The following TULP4 variants were observed in gnomAD, a reference collection of about 807,000 sequenced individuals.
TULP4 encodes tubby-related protein 4.
TULP4 carries 16 observed loss-of-function variants against 129.0 expected under a neutral mutation model. That is an observed-to-expected ratio of 0.12 (90% CI 0.08 to 0.19). The LOEUF is 0.19. Among genes scored for constraint, TULP4 ranks in the 10% least tolerant of loss-of-function variants. The pLI, the probability that TULP4 is intolerant of heterozygous loss-of-function variation, is 1.00. For missense variants in TULP4, 1,842 were observed against 2,059.1 expected (o/e 0.89, Z 2.04); for synonymous variants, 998 against 854.0 (o/e 1.17, Z -2.94).
chr6:158,306,032 G>A (rs1383963712), intron 1 of TULP4, among the ~76,000 whole-genome samples: 2 of 151,960 alleles, frequency 1.3e-5, no homozygotes, highest in Non-Finnish European at 2.9e-5. Flanking sequence ...GAATTCGGAT[G>A]CTTTGATTGT....
At chr6:158,421,087 C>T (rs1778327818) in intron 2 of TULP4, among the ~76,000 whole-genome samples, 1 of 152,032 alleles carries the variant, frequency 6.6e-6, no homozygotes, top group African/African-American at 2.4e-5. Flanking sequence ...GGTGGCCGGG[C>T]GCGGTGGCTC....
At chr6:158,273,612 T>C (rs1259284951) in intron 1 of TULP4, among the ~76,000 whole-genome samples, 10 of 152,048 alleles carry the variant, frequency 6.6e-5, no homozygotes, top group Non-Finnish European at 1.3e-4. Context: ...CCCTGTCCCA[T>C]TCTTCTTCAG....
At chr6:158,475,051 T>C (rs769383384) in intron 6 of TULP4, among the ~76,000 whole-genome samples, 3 of 152,182 alleles carry the variant, frequency 2.0e-5, no homozygotes, top group African/African-American at 4.8e-5. Context: ...AACAGCTCAG[T>C]AGATAAAAAA....
At chr6:158,335,691 G>T (rs1460064256) in intron 1 of TULP4, among the ~76,000 whole-genome samples, 1 of 152,186 alleles carries the variant, frequency 6.6e-6, no homozygotes, top group Non-Finnish European at 1.5e-5. Flanking sequence ...TTGACAAAAG[G>T]ACTGTTTTTG....
chr6:158,323,908 T>G (rs1779691155), intron 1 of TULP4, among the ~76,000 whole-genome samples: 1 of 152,176 alleles, frequency 6.6e-6, no homozygotes, highest in African/African-American at 2.4e-5. Context: ...TTTTTCTTGT[T>G]TATATCAGTT....
chr6:158,260,610 C>T (rs1778334401), intron 1 of TULP4, among the ~76,000 whole-genome samples: 1 of 150,882 alleles, frequency 6.6e-6, no homozygotes, highest in Admixed American at 6.6e-5. Flanking sequence ...AGTGTTTAAG[C>T]CTTCTGCATA....
At chr6:158,416,677 C>G (rs2115019522) in intron 2 of TULP4, among the ~76,000 whole-genome samples, 1 of 152,212 alleles carries the variant, frequency 6.6e-6, no homozygotes, top group Non-Finnish European at 1.5e-5. Flanking sequence ...ATGAGTGCAG[C>G]CTAAGCATCC....
intron 3 of TULP4, among the ~76,000 whole-genome samples, chr6:158,443,960 C>T (rs1483201210): frequency 9.2e-5 from 14 of 152,096 alleles, no homozygotes; most frequent in Admixed American, 8.5e-4. Context: ...TGGCTCACGC[C>T]TGTAATCCCA....
chr6:158,449,770 G>A (rs1779127484), intron 4 of TULP4, among the ~76,000 whole-genome samples: 1 of 152,072 alleles, frequency 6.6e-6, no homozygotes, highest in South Asian at 2.1e-4. Context: ...TGGTGGGGAT[G>A]ACCTCAAATT....
intron 1 of TULP4, among the ~76,000 whole-genome samples, chr6:158,250,377 C>T (rs1312414417): frequency 4.6e-5 from 7 of 151,344 alleles, no homozygotes; most frequent in South Asian, 2.1e-4. Context: ...AGGATGATCT[C>T]GATCTCTTGA....
At chr6:158,500,154 C>G (rs1276984864) in intron 12 of TULP4, among the ~76,000 whole-genome samples, 1 of 152,186 alleles carries the variant, frequency 6.6e-6, no homozygotes, top group African/African-American at 2.4e-5. Context: ...CTGCAGTTGT[C>G]GTTATTGTCT....
rs1780646072 is a variant in TULP4, at chr6:158,508,137, GT to G, written c.*1449del. On this transcript the variant is annotated 3_prime_UTR_variant, in exon 14 of 14. Coordinates refer to ENST00000367097, the MANE Select transcript of TULP4 (RefSeq NM_020245.5). Reference sequence around the variant, plus strand: ...TCAAGCCCTGATGACAAAACCCAGTGTTTTTTGTTGTTGTTTTTTGTTGTTG... The same window carrying G: ...TCAAGCCCTGATGACAAAACCCAGTGTTTTTGTTGTTGTTTTTTGTTGTTG... 6.6e-6 allele frequency: 1 copy of G among 151,012 alleles called. No individual in the cohort carries two copies. Among genetic ancestry groups the G allele is most frequent in the African/African-American group, 2.5e-5 (1 of 40,434 alleles). The allele number at this position is 151,012 out of a possible 1,614,324, so 9.4% of individuals were successfully genotyped here.
intron 1 of TULP4, among the ~76,000 whole-genome samples, chr6:158,388,322 C>A (rs758268468): frequency 1.2e-5 from 1 of 86,262 alleles, no homozygotes. Context: ...GCTCGTTTTT[C>A]TTTTTTTTTT....
intron 5 of TULP4, among the ~76,000 whole-genome samples, chr6:158,455,491 CT>C (rs1779271261): frequency 1.3e-5 from 2 of 152,034 alleles, no homozygotes; most frequent in South Asian, 4.2e-4. Flanking sequence ...AATCCCAGCA[CT>C]TTGGGAGGCT....
chr6:158,405,165 C>A (rs1414669159), intron 1 of TULP4, among the ~76,000 whole-genome samples: 2 of 152,158 alleles, frequency 1.3e-5, no homozygotes, highest in Non-Finnish European at 2.9e-5. Flanking sequence ...TGTTTAAATT[C>A]ACTGTCTAAC....
chr6:158,454,173 T>C (rs1230374382), intron 5 of TULP4, among the ~76,000 whole-genome samples: 1 of 152,194 alleles, frequency 6.6e-6, no homozygotes, highest in African/African-American at 2.4e-5. Flanking sequence ...ATGAATGACG[T>C]TGAAGTCCTT....
chr6:158,425,864 G>A (rs9456302), intron 2 of TULP4, among the ~76,000 whole-genome samples: 1 of 152,158 alleles, frequency 6.6e-6, no homozygotes, highest in South Asian at 2.1e-4. Context: ...AAAGTGTTGG[G>A]ATTATAGGCG....
chr6:158,351,064 C>CT (rs1260472586), intron 1 of TULP4, among the ~76,000 whole-genome samples: 1 of 152,114 alleles, frequency 6.6e-6, no homozygotes, highest in Non-Finnish European at 1.5e-5. Context: ...CTGTTTTGGT[C>CT]TTTATCAGTG....
chr6:158,312,191 C>T, upstream of TULP4: 1 of 398,432 alleles, frequency 2.5e-6, no homozygotes, highest in Non-Finnish European at 4.4e-6. Flanking sequence ...TACACATTCA[C>T]ACGGGAAGAC....
Sources: allele counts gnomAD v4.1 joint callset (sites outside exome capture counted in the v4.1 genomes callset), GRCh38; gene constraint gnomAD v4.1.1; transcripts MANE v1.5; gene names NCBI Gene and HGNC (gene_info 2026-07-23, HGNC 2026-07-21).